Variants in ADGRL2 observed in about 807,000 individuals in gnomAD.
ADGRL2 encodes calcium-independent alpha-latrotoxin receptor 2.
Under a neutral mutation model 157.4 loss-of-function variants are expected in ADGRL2, and 44 were observed. The ratio of observed to expected loss-of-function variants is 0.28; its 90% CI spans 0.22 to 0.36. The LOEUF (loss-of-function observed/expected upper bound fraction) is 0.36, where lower values mean the gene tolerates loss of function less well. Ranked by LOEUF, ADGRL2 falls within the 10% of genes least tolerant of loss-of-function variation. The pLI is 1.00. For missense variants in ADGRL2, 1,510 were observed against 1,768.9 expected, an observed-to-expected ratio of 0.85 and a Z score of 2.63; for synonymous variants, 585 against 624.7, an observed-to-expected ratio of 0.94 and a Z score of 0.95.
chr1:81,793,356 C>T (rs552144403), intron 2 of ADGRL2, among the ~76,000 whole-genome samples: 74 of 152,152 alleles, frequency 4.9e-4, no homozygotes, highest in African/African-American at 1.7e-3. Flanking sequence ...TCAGTACTTA[C>T]AAAAACCAGA....
intron 3 of ADGRL2, among the ~76,000 whole-genome samples, chr1:81,657,896 AC>A (rs2082568913): frequency 2.6e-5 from 4 of 152,122 alleles, no homozygotes; most frequent in Admixed American, 6.6e-5. Flanking sequence ...CAATCATAGA[AC>A]CTTTTTGTTC....
chr1:81,432,075 T>G (rs1281363014), intron 1 of ADGRL2, among the ~76,000 whole-genome samples: 1 of 152,226 alleles, frequency 6.6e-6, no homozygotes, highest in East Asian at 1.9e-4. Flanking sequence ...CTGACCACAC[T>G]TTAAAATGTT....
intron 1 of ADGRL2, among the ~76,000 whole-genome samples, chr1:81,713,068 T>C (rs987538674): frequency 6.6e-5 from 10 of 152,028 alleles, no homozygotes; most frequent in African/African-American, 2.4e-4. Context: ...TGAGAGTGGA[T>C]TCTTATAATA....
In ADGRL2 at chr1:81,852,462, G is replaced by T. The variant is rs117910023; in HGVS notation, c.73+15405G>T. Among the ~76,000 whole-genome samples, 141 of 152,206 alleles carry T rather than the reference G, an allele frequency of 9.3e-4. 1 individual carries two copies. The East Asian group carries it at 0.021, about 23-fold the overall frequency. ...AAAAATTTTTAAAAAGCTGTATTCT[G>T]TAAGCATAGTTGCTATGTTTGTCAT... On this transcript the variant is annotated intron_variant, in intron 2 of 23. Coordinates refer to ENST00000686636, the MANE Select transcript of ADGRL2 (RefSeq NM_001366006.2).
At chr1:81,591,207 G>A (rs1241898297) in intron 3 of ADGRL2, among the ~76,000 whole-genome samples, 1 of 152,124 alleles carries the variant, frequency 6.6e-6, no homozygotes, top group African/African-American at 2.4e-5. Flanking sequence ...AAGAGAAAAG[G>A]GGGCTTACTA....
At chr1:81,395,377 G>T (rs1443088455) in intron 1 of ADGRL2, among the ~76,000 whole-genome samples, 1 of 152,060 alleles carries the variant, frequency 6.6e-6, no homozygotes, top group South Asian at 2.1e-4. Flanking sequence ...TTTCAAATGA[G>T]ATTATTTGGG....
chr1:81,810,535 T>TC (rs1345649705), intron 1 of ADGRL2, among the ~76,000 whole-genome samples: 2 of 151,928 alleles, frequency 1.3e-5, no homozygotes, highest in African/African-American at 4.8e-5. Flanking sequence ...TTTTCTCCAC[T>TC]CATCTTTGTG....
intron 2 of ADGRL2, among the ~76,000 whole-genome samples, chr1:81,876,622 G>A (rs911460625): frequency 1.3e-5 from 2 of 152,076 alleles, no homozygotes; most frequent in Admixed American, 6.6e-5. Context: ...CTAAGTTAAA[G>A]ACTTGTAGAA....
intron 1 of ADGRL2, among the ~76,000 whole-genome samples, chr1:81,311,801 C>G (rs1008939050): frequency 1.3e-5 from 2 of 152,038 alleles, no homozygotes; most frequent in Non-Finnish European, 1.5e-5. Context: ...TATGATTTCT[C>G]TTTTTGGAAG....
chr1:81,989,233 A>G (rs1230531135), intron 23 of ADGRL2, among the ~76,000 whole-genome samples: 1 of 152,120 alleles, frequency 6.6e-6, no homozygotes, highest in African/African-American at 2.4e-5. Flanking sequence ...TCCTTTAGAG[A>G]TAAAAATATA....
chr1:81,307,696 T>C (rs1037127390), intron 1 of ADGRL2, among the ~76,000 whole-genome samples: 2 of 152,188 alleles, frequency 1.3e-5, no homozygotes, highest in Non-Finnish European at 2.9e-5. Flanking sequence ...GTATACTGAA[T>C]AGTTCTGATG....
At chr1:81,903,146 TG>T (rs752739803) in intron 2 of ADGRL2, among the ~76,000 whole-genome samples, 5 of 152,184 alleles carry the variant, frequency 3.3e-5, no homozygotes, top group Non-Finnish European at 7.3e-5. Context: ...AAAATGACTT[TG>T]CCCAAAGTCA....
At position 81,966,491 on chromosome 1, in the gene ADGRL2, T is replaced by G; in HGVS notation, c.2231T>G (p.Phe744Cys). ...GCAACCATTAAACTGGGTGCTGATT[T>G]TATTGGTCGTAATAGCACCATTGCA... ...ENATIKLGAD[F>C]IGRNSTIAVN... Residue 744 changes from phenylalanine to cysteine, a missense_variant, in exon 13 of 24, where the codon TTT becomes TGT. Around this residue, in one of 4 missense-constraint regions of ADGRL2, gnomAD observed 497 missense variants for 627.2 expected, o/e 0.79. Transcript: ENST00000686636. 6.2e-7 allele frequency: 1 copy of G among 1,614,046 alleles called. No homozygotes were observed. The highest frequency in any genetic ancestry group is 8.5e-7 in the Non-Finnish European group (1 of 1,179,932).
At chr1:81,345,157 T>G (rs1662389644) in intron 1 of ADGRL2, among the ~76,000 whole-genome samples, 1 of 152,242 alleles carries the variant, frequency 6.6e-6, no homozygotes, top group South Asian at 2.1e-4. Flanking sequence ...GGAAACTACA[T>G]GCTTTTTATG....
chr1:81,427,503 A>T, intron 1 of ADGRL2: 1 of 752,792 alleles, frequency 1.3e-6, no homozygotes, highest in Admixed American at 1.7e-5. Context: ...AACAGCAATC[A>T]AATTACGAAC....
intron 2 of ADGRL2, among the ~76,000 whole-genome samples, chr1:81,844,022 C>A (rs1359018897): frequency 6.6e-6 from 1 of 152,046 alleles, no homozygotes; most frequent in Admixed American, 6.6e-5. Flanking sequence ...CAACAGTCAC[C>A]CAGCAGACCT....
chr1:81,307,336 C>T (rs540665463), intron 1 of ADGRL2, among the ~76,000 whole-genome samples: 378 of 152,238 alleles, frequency 2.5e-3, no homozygotes, highest in South Asian at 3.7e-3. Context: ...CCTGGGCTTA[C>T]GTTACTTCAT....
At chr1:81,537,456 T>A (rs1405896842) in intron 2 of ADGRL2, among the ~76,000 whole-genome samples, 1 of 151,580 alleles carries the variant, frequency 6.6e-6, no homozygotes, top group Non-Finnish European at 1.5e-5. Flanking sequence ...GCTAATTTTG[T>A]ATTTTTTTTA....
chr1:81,946,578 T>A (rs1037061205), intron 6 of ADGRL2, among the ~76,000 whole-genome samples: 7 of 152,168 alleles, frequency 4.6e-5, no homozygotes, highest in African/African-American at 1.7e-4. Context: ...AAGAAAATGA[T>A]GTGTTTTTAC....
Sources: gnomAD v4.1 joint callset for allele counts (sites outside exome capture counted in the v4.1 genomes callset) on GRCh38, gnomAD v4.1.1 for gene constraint, gnomAD v4.1.1 regional missense constraint, MANE v1.5 for transcripts, NCBI Gene and HGNC (gene_info 2026-07-23, HGNC 2026-07-21) for gene names.